Variants in OXR1 observed in about 807,000 individuals in gnomAD.
OXR1 encodes oxidation resistance protein 1.
A neutral mutation model predicts 104.6 loss-of-function variants in OXR1; 41 were observed. The ratio of observed to expected loss-of-function variants is 0.39; its 90% confidence interval spans 0.31 to 0.51. OXR1 has a LOEUF of 0.51. OXR1 is among the 20% of genes least tolerant of loss of function. The pLI is 0.77. For missense variants in OXR1, 955 were observed against 1,031.9 expected (o/e 0.93, Z 1.02); for synonymous variants, 348 against 348.4 (o/e 1.00, Z 0.01).
intron 1 of OXR1, among the ~76,000 whole-genome samples, chr8:106,293,716 A>G (rs1355424394): frequency 6.6e-6 from 1 of 152,150 alleles, no homozygotes; most frequent in Admixed American, 6.6e-5. Context: ...AGAAGACAGA[A>G]GGGCAAGAGA....
intron 1 of OXR1, among the ~76,000 whole-genome samples, chr8:106,353,692 A>G (rs1172154487): frequency 6.6e-6 from 1 of 152,154 alleles, no homozygotes; most frequent in Non-Finnish European, 1.5e-5. Context: ...GGCTAAATCA[A>G]GCTAATGAAC....
At chr8:106,352,157 A>G (rs1815753210) in intron 1 of OXR1, among the ~76,000 whole-genome samples, 1 of 152,190 alleles carries the variant, frequency 6.6e-6, no homozygotes, top group Non-Finnish European at 1.5e-5. Flanking sequence ...ATCAGAAGAC[A>G]GTGGATAGAG....
At chr8:106,465,441 G>C (rs751790884) in intron 2 of OXR1, among the ~76,000 whole-genome samples, 65 of 152,064 alleles carry the variant, frequency 4.3e-4, no homozygotes, top group Non-Finnish European at 8.4e-4. Flanking sequence ...GAAGCCACTA[G>C]AGGTACTGAA....
At chr8:106,430,465 T>G (rs552144893) in intron 2 of OXR1, among the ~76,000 whole-genome samples, 1 of 152,322 alleles carries the variant, frequency 6.6e-6, no homozygotes, top group African/African-American at 2.4e-5. Flanking sequence ...GATTTTATAA[T>G]CCTGAGAATA....
chr8:106,429,396 A>G (rs1319326685), intron 2 of OXR1, among the ~76,000 whole-genome samples: 1 of 152,148 alleles, frequency 6.6e-6, no homozygotes, highest in Non-Finnish European at 1.5e-5. Context: ...ATAGTGGCTC[A>G]CGTCTGTAAT....
At chr8:106,725,756 A>G (rs1290847729) in intron 11 of OXR1, among the ~76,000 whole-genome samples, 4 of 152,208 alleles carry the variant, frequency 2.6e-5, no homozygotes, top group Admixed American at 6.5e-5. Context: ...GTTCACATAA[A>G]AGATACAATC....
intron 3 of OXR1, among the ~76,000 whole-genome samples, chr8:106,595,376 C>A (rs980078167): frequency 6.6e-6 from 1 of 151,670 alleles, no homozygotes; most frequent in Non-Finnish European, 1.5e-5. Flanking sequence ...ATAGCGAAAC[C>A]CCGTCTCTAC....
intron 1 of OXR1, among the ~76,000 whole-genome samples, chr8:106,285,020 A>G (rs1812438742): frequency 6.6e-6 from 1 of 152,178 alleles, no homozygotes; most frequent in Non-Finnish European, 1.5e-5. Context: ...CACAATGTGC[A>G]GGTTTGTTAC....
intron 2 of OXR1, among the ~76,000 whole-genome samples, chr8:106,393,822 T>G: frequency 6.6e-6 from 1 of 152,188 alleles, no homozygotes; most frequent in East Asian, 1.9e-4. Flanking sequence ...CAAATTTTAC[T>G]AAGTACTTGA....
chr8:106,339,556 A>AT (rs1586543044), intron 1 of OXR1, among the ~76,000 whole-genome samples: 3 of 133,724 alleles, frequency 2.2e-5, no homozygotes, highest in Non-Finnish European at 3.2e-5. Context: ...ATATATATAT[A>AT]AAACGAAATC....
At chr8:106,577,257 C>T (rs555242806) in intron 3 of OXR1, among the ~76,000 whole-genome samples, 131 of 150,920 alleles carry the variant, frequency 8.7e-4, no homozygotes, top group Non-Finnish European at 1.5e-3. Context: ...GTCGCCCAGA[C>T]TGGAATGCAG....
At chr8:106,287,139 G>A (rs1224317585) in intron 1 of OXR1, among the ~76,000 whole-genome samples, 2 of 152,204 alleles carry the variant, frequency 1.3e-5, no homozygotes, top group African/African-American at 4.8e-5. Context: ...AAAGTAGAAA[G>A]CAGAAAAACA....
intron 2 of OXR1, among the ~76,000 whole-genome samples, chr8:106,377,425 A>G (rs951223225): frequency 1.2e-4 from 19 of 152,170 alleles, no homozygotes; most frequent in African/African-American, 3.9e-4. Flanking sequence ...GCTTCAAGCA[A>G]TCCTCCCATC....
rs1223893825 is a variant in OXR1, at chr8:106,655,167, A to C, written c.221-24043A>C. 2.0e-5 allele frequency among the ~76,000 whole-genome samples: 3 copies of C among 152,138 alleles called. No individual in the cohort carries two copies. The East Asian group carries it at 5.8e-4, about 29-fold the overall frequency. ...TGGGGAGTGACTACAGATGGTAAAA[A>C]GTTTCTTTTTGTGGTGATGGAAATG... On this transcript the variant is annotated intron_variant, in intron 3 of 16. Coordinates refer to ENST00000517566, the MANE Select transcript of OXR1 (RefSeq NM_001198533.2).
rs192422538 is a variant in OXR1, at chr8:106,300,491, C to G, written c.-139+30124C>G. ...TTTCTATATTTCTGTCCAACATATA[C>G]AATGTCTCCTGTTATACTAGATCCT... On this transcript the variant is annotated intron_variant, in intron 1 of 16. Transcript: ENST00000517566. Among the ~76,000 whole-genome samples the G allele has an allele frequency of 2.6e-5, 4 of 151,930 alleles. No homozygotes were observed. In the East Asian group the frequency reaches 7.7e-4, roughly 29 times the overall value.
chr8:106,469,828 G>T (rs7827001), intron 2 of OXR1, among the ~76,000 whole-genome samples: 9,419 of 151,876 alleles, frequency 0.062, 711 homozygotes, highest in African/African-American at 0.18. Context: ...AAATCAGGTT[G>T]CAGTAATAAA....
chr8:106,340,950 C>T (rs1367883035), intron 1 of OXR1, among the ~76,000 whole-genome samples: 1 of 152,106 alleles, frequency 6.6e-6, no homozygotes, highest in Admixed American at 6.6e-5. Context: ...ATTGGGTAAA[C>T]TTGCATTATT....
chr8:106,710,646 A>G lies in OXR1; in HGVS notation c.1649A>G (p.Gln550Arg), dbSNP rs1563734931. The G allele has an allele frequency of 6.3e-7, 1 of 1,589,096 alleles. No individual in the cohort carries two copies. The change falls in exon 10 of 17, where the codon CAA becomes CGA. Residue 550 changes from glutamine to arginine, a missense_variant. Physicochemically the swap from Gln to Arg is conservative, Grantham distance 43. This residue lies in a region of OXR1 where 849 missense variants were observed against 852.9 expected (regional missense o/e 1.00). Transcript: ENST00000517566. ...GGTTCTGCACTTTTAAAAGAAAAGC[A>G]AAGGCATCGATTACATAAGTTCTTG... is the stretch of plus-strand genomic sequence containing the variant. ...IESSALLKEK[Q>R]RHRLHKFLCL...
intron 15 of OXR1, 142 bp downstream of exon 15, chr8:106,742,459 T>C (rs1835000400): frequency 3.6e-6 from 2 of 556,486 alleles, no homozygotes; most frequent in East Asian, 3.2e-5. Context: ...TTAAAGTTCA[T>C]GTGGAACCCA....
Sources: gnomAD v4.1 joint callset for allele counts (sites outside exome capture counted in the v4.1 genomes callset) on GRCh38, gnomAD v4.1.1 for gene constraint, gnomAD v4.1.1 regional missense constraint, MANE v1.5 for transcripts, NCBI Gene and HGNC (gene_info 2026-07-23, HGNC 2026-07-21) for gene names.